GALNT13: variants seen among roughly 807,000 people sequenced by gnomAD.
The protein encoded by GALNT13 is polypeptide N-acetylgalactosaminyltransferase 13, also known as UDP-GalNAc:polypeptide N-acetylgalactosaminyltransferase 13.
A neutral mutation model predicts 64.2 loss-of-function variants in GALNT13; 28 were observed. The ratio of observed to expected loss-of-function variants is 0.44; its 90% CI spans 0.32 to 0.60. The LOEUF (loss-of-function observed/expected upper bound fraction) is 0.60, where lower values mean the gene tolerates loss of function less well. Among genes scored for constraint, GALNT13 ranks in the 20% least tolerant of loss-of-function variants. The probability of loss-of-function intolerance (pLI) is 0.05; values close to 1 mark genes in which losing one functional copy is unlikely to be tolerated. For synonymous variants in GALNT13, 214 were observed against 224.6 expected, an observed-to-expected ratio of 0.95 and a Z score of 0.42; for missense variants, 577 against 669.8, an observed-to-expected ratio of 0.86 and a Z score of 1.53.
the GALNT13 span, chr2:153,173,261 A>G: frequency 2.0e-5 from 3 of 152,198 alleles, no homozygotes; most frequent in Non-Finnish European, 4.4e-5. Context: ...AAGACTGGTT[A>G]CCCTGAGGTG....
chr2:153,922,512 T>G (rs10170637), intron 2 of GALNT13, among the ~76,000 whole-genome samples: 47,917 of 152,068 alleles, frequency 0.32, 7,900 homozygotes, highest in Non-Finnish European at 0.37. Flanking sequence ...TTTTAGAATT[T>G]TATCCTTGTC....
intron 9 of GALNT13, among the ~76,000 whole-genome samples, chr2:154,303,203 C>G (rs1466076558): frequency 6.6e-6 from 1 of 151,912 alleles, no homozygotes; most frequent in Non-Finnish European, 1.5e-5. Flanking sequence ...ACAGCCCTCT[C>G]TCTGGTGAGA....
intron 9 of GALNT13, among the ~76,000 whole-genome samples, chr2:154,324,250 T>C (rs1694769379): frequency 6.6e-6 from 1 of 152,098 alleles, no homozygotes; most frequent in Non-Finnish European, 1.5e-5. Context: ...TTTAAATTAT[T>C]TTAACATTTT....
chr2:153,376,569 C>T, the GALNT13 span, among the ~76,000 whole-genome samples: 3 of 152,094 alleles, frequency 2.0e-5, no homozygotes, highest in Non-Finnish European at 4.4e-5. Flanking sequence ...GGGTTGAACA[C>T]ATACAAACAG....
At chr2:153,504,316 A>G in the GALNT13 span, among the ~76,000 whole-genome samples, 1 of 152,196 alleles carries the variant, frequency 6.6e-6, no homozygotes, top group African/African-American at 2.4e-5. Context: ...GTATACAATC[A>G]TATAATCAGC....
At chr2:154,167,403 C>T (rs899171266) in intron 4 of GALNT13, among the ~76,000 whole-genome samples, 2 of 152,028 alleles carry the variant, frequency 1.3e-5, no homozygotes, top group African/African-American at 4.8e-5. Context: ...TAGAGGAATT[C>T]TATTACTAAC....
chr2:153,654,417 A>G, the GALNT13 span, among the ~76,000 whole-genome samples: 1 of 152,050 alleles, frequency 6.6e-6, no homozygotes, highest in Non-Finnish European at 1.5e-5. Flanking sequence ...AGATAATGTC[A>G]TTGTGGTTAT....
chr2:153,773,744 A>G, the GALNT13 span, among the ~76,000 whole-genome samples: 2 of 152,202 alleles, frequency 1.3e-5, no homozygotes, highest in Non-Finnish European at 2.9e-5. Flanking sequence ...GAATGGCATC[A>G]TAATAGGCTG....
chr2:154,087,517 T>C (rs79554262), intron 3 of GALNT13, among the ~76,000 whole-genome samples: 4,802 of 152,158 alleles, frequency 0.032, 166 homozygotes, highest in East Asian at 0.13. Context: ...CTTGACTAAG[T>C]CTATGCTATC....
At chr2:154,361,149 T>G (rs1273754538) in intron 9 of GALNT13, among the ~76,000 whole-genome samples, 1 of 152,064 alleles carries the variant, frequency 6.6e-6, no homozygotes, top group African/African-American at 2.4e-5. Flanking sequence ...TGTCTGATAT[T>G]TAAGTTATGT....
chr2:153,802,798 G>T, the GALNT13 span, among the ~76,000 whole-genome samples: 1 of 152,158 alleles, frequency 6.6e-6, no homozygotes, highest in Non-Finnish European at 1.5e-5. Context: ...GAAACCAAAA[G>T]CTCAAAATAC....
At chr2:153,996,459 C>A (rs1434753068) in intron 3 of GALNT13, among the ~76,000 whole-genome samples, 1 of 152,006 alleles carries the variant, frequency 6.6e-6, no homozygotes, top group Non-Finnish European at 1.5e-5. Context: ...CCTATATCTA[C>A]TGGTCATTTG....
At chr2:154,174,456 A>C (rs1459741493) in intron 4 of GALNT13, among the ~76,000 whole-genome samples, 2 of 152,142 alleles carry the variant, frequency 1.3e-5, no homozygotes, top group East Asian at 3.9e-4. Context: ...AGGTAGATAA[A>C]TCTGAGGATT....
chr2:153,922,249 A>G lies in GALNT13; in HGVS notation c.-105+21242A>G, dbSNP rs546194425. On this transcript the variant is annotated intron_variant, in intron 2 of 12. Transcript: ENST00000392825. Reference sequence around the variant, plus strand: ...TTCTTCTCAGTTTGAACACAGTTTCATTTCACAGAAATTAATAGATAAGAT... The same window carrying G: ...TTCTTCTCAGTTTGAACACAGTTTCGTTTCACAGAAATTAATAGATAAGAT... Among the ~76,000 whole-genome samples the G allele has an allele frequency of 3.3e-5, 5 of 152,290 alleles. No homozygotes were observed. In the South Asian group the frequency reaches 8.3e-4, roughly 25 times the overall value.
chr2:153,132,116 CA>C, the GALNT13 span, among the ~76,000 whole-genome samples: 1 of 152,154 alleles, frequency 6.6e-6, no homozygotes, highest in Non-Finnish European at 1.5e-5. Context: ...GAAGAACCCA[CA>C]AAAGAAATTG....
At chr2:153,365,123 C>T in the GALNT13 span, among the ~76,000 whole-genome samples, 21 of 152,124 alleles carry the variant, frequency 1.4e-4, no homozygotes, top group East Asian at 3.9e-4. Context: ...ACAAACCTGA[C>T]GAAAACAAGC....
At chr2:154,331,282 A>G (rs1231890331) in intron 9 of GALNT13, among the ~76,000 whole-genome samples, 3 of 151,994 alleles carry the variant, frequency 2.0e-5, no homozygotes, top group Non-Finnish European at 4.4e-5. Context: ...TTCAGTAACT[A>G]CATTTTTTTT....
chr2:154,403,797 C>T (rs1353202589), intron 10 of GALNT13, among the ~76,000 whole-genome samples: 1 of 152,126 alleles, frequency 6.6e-6, no homozygotes, highest in Non-Finnish European at 1.5e-5. Context: ...GAACTGAGTC[C>T]TCCCTTGCTC....
intron 4 of GALNT13, among the ~76,000 whole-genome samples, chr2:154,144,325 A>G (rs922617089): frequency 5.3e-5 from 8 of 152,182 alleles, no homozygotes; most frequent in African/African-American, 1.9e-4. Context: ...TAAAAGATGT[A>G]GAAATGTTAA....
Sources: gnomAD v4.1 joint callset for allele counts (sites outside exome capture counted in the v4.1 genomes callset) on GRCh38, gnomAD v4.1.1 for gene constraint, MANE v1.5 for transcripts, NCBI Gene and HGNC (gene_info 2026-07-23, HGNC 2026-07-21) for gene names.